PRELID2: variants seen among roughly 807,000 people sequenced by gnomAD.
The protein encoded by PRELID2 is PRELI domain containing 2, also known as PRELI domain-containing protein 2.
A neutral mutation model predicts 28.4 loss-of-function variants in PRELID2; 25 were observed. That is an observed-to-expected ratio of 0.88 (90% CI 0.64 to 1.23). The LOEUF (loss-of-function observed/expected upper bound fraction) is 1.23. PRELID2 is among the 50% of genes most tolerant of loss of function. The probability of loss-of-function intolerance (pLI) is 0.00; values close to 1 mark genes in which losing one functional copy is unlikely to be tolerated. For synonymous variants in PRELID2, 76 were observed against 71.6 expected, an observed-to-expected ratio of 1.06 and a Z score of -0.31; for missense variants, 201 against 214.4, an observed-to-expected ratio of 0.94 and a Z score of 0.39.
rs915415490 is a variant in PRELID2, at chr5:145,598,644, T to C, written n.71-125329A>G. On this transcript the variant is annotated intron_variant and non_coding_transcript_variant, in intron 1 of 2. Transcript: ENST00000510259. ...TTGTGGCACAGTAGCATTTCATTTA[T>C]TCAACAGAAATGTAATGAGTACTCT... is the stretch of plus-strand genomic sequence containing the variant. Among the ~76,000 whole-genome samples, 3 of 152,184 alleles carry C rather than the reference T, an allele frequency of 2.0e-5. No individual in the cohort carries two copies. In the South Asian group the frequency reaches 6.2e-4, roughly 32 times the overall value.
intron 1 of PRELID2, among the ~76,000 whole-genome samples, chr5:145,585,119 G>A (rs555264692): frequency 2.0e-4 from 31 of 152,246 alleles, no homozygotes; most frequent in African/African-American, 7.0e-4. Context: ...AAAGGAATGT[G>A]ATCAAGTCCT....
the PRELID2 span, among the ~76,000 whole-genome samples, chr5:145,249,966 C>A: frequency 2.1e-5 from 3 of 145,654 alleles, no homozygotes; most frequent in South Asian, 6.5e-4. Context: ...TCTCTCTCTC[C>A]TTTTGATGCA....
chr5:145,615,517 G>A (rs1397783614), intron 1 of PRELID2, among the ~76,000 whole-genome samples: 1 of 128,418 alleles, frequency 7.8e-6, no homozygotes, highest in Non-Finnish European at 1.6e-5. Context: ...TAGTAGAGAC[G>A]GGGTTTCACC....
At chr5:145,626,572 G>A (rs576410238) in intron 1 of PRELID2, among the ~76,000 whole-genome samples, 6 of 152,118 alleles carry the variant, frequency 3.9e-5, no homozygotes, top group African/African-American at 1.4e-4. Context: ...CACTCTTGGT[G>A]GGAATGTCAG....
At chr5:145,300,472 C>T in the PRELID2 span, among the ~76,000 whole-genome samples, 1 of 151,888 alleles carries the variant, frequency 6.6e-6, no homozygotes, top group Non-Finnish European at 1.5e-5. Context: ...ACTACAAATT[C>T]AAATTTTAAA....
the PRELID2 span, among the ~76,000 whole-genome samples, chr5:145,394,192 C>A: frequency 1.3e-5 from 2 of 152,024 alleles, no homozygotes; most frequent in Non-Finnish European, 2.9e-5. Context: ...AAACGTCCAA[C>A]AATGATAGAC....
At chr5:145,673,050 G>C (rs1405702037) in intron 1 of PRELID2, among the ~76,000 whole-genome samples, 1 of 152,150 alleles carries the variant, frequency 6.6e-6, no homozygotes. Flanking sequence ...TAGAGTGCCA[G>C]AAAAGCTCAC....
rs772225129 is a variant in PRELID2 at position 145,610,422 on chromosome 5, A to G, written n.71-137107T>C. Among the ~76,000 whole-genome samples the G allele has an allele frequency of 8.8e-4, 134 of 152,186 alleles. 1 individual carries two copies. Among genetic ancestry groups the G allele is most frequent in the Non-Finnish European group, 1.7e-3 (116 of 68,026 alleles). Reference sequence around the variant, plus strand: ...TCCACCATCTTGACCCATCCCCTGGAACTATCTTCAGGTTAAGAGAAAAGA... The same window carrying G: ...TCCACCATCTTGACCCATCCCCTGGGACTATCTTCAGGTTAAGAGAAAAGA... On this transcript the variant is annotated intron_variant and non_coding_transcript_variant, in intron 1 of 2. Coordinates refer to the PRELID2 transcript ENST00000510259.
intron 1 of PRELID2, among the ~76,000 whole-genome samples, chr5:145,701,920 A>G (rs1301629208): frequency 2.0e-5 from 3 of 151,982 alleles, no homozygotes; most frequent in Admixed American, 6.6e-5. Context: ...GCGTGGTGGC[A>G]CATGCCTGTA....
At chr5:145,585,806 T>A (rs1031815892) in intron 1 of PRELID2, among the ~76,000 whole-genome samples, 1 of 152,016 alleles carries the variant, frequency 6.6e-6, no homozygotes, top group African/African-American at 2.4e-5. Context: ...TGGGACAGAA[T>A]GGGGTGGGGT....
intron 1 of PRELID2, among the ~76,000 whole-genome samples, chr5:145,674,110 G>T (rs75207660): frequency 0.049 from 7,466 of 152,234 alleles, 623 homozygotes; most frequent in African/African-American, 0.17. Context: ...TCCTAGCCCT[G>T]CTTGGTATTA....
intron 1 of PRELID2, among the ~76,000 whole-genome samples, chr5:145,552,834 A>G (rs66558288): frequency 0.29 from 44,271 of 152,074 alleles, 8,656 homozygotes; most frequent in African/African-American, 0.57. Flanking sequence ...CTAGGTATTC[A>G]CAATTAAAGT....
chr5:145,466,911 T>C (rs1280990741), downstream of PRELID2, among the ~76,000 whole-genome samples: 1 of 152,026 alleles, frequency 6.6e-6, no homozygotes, highest in Non-Finnish European at 1.5e-5. Flanking sequence ...AATTCACCTG[T>C]CCATAAAAAT....
At chr5:145,392,283 C>T in the PRELID2 span, among the ~76,000 whole-genome samples, 20 of 135,058 alleles carry the variant, frequency 1.5e-4, no homozygotes. Context: ...GAAAGGGAAG[C>T]AAACATGTCT....
the PRELID2 span, among the ~76,000 whole-genome samples, chr5:145,371,547 A>T: frequency 2.0e-5 from 3 of 152,208 alleles, no homozygotes; most frequent in East Asian, 5.8e-4. Flanking sequence ...ACCAATGTTC[A>T]TCAGGAATAT....
intron 4 of PRELID2, among the ~76,000 whole-genome samples, chr5:145,799,113 A>G (rs1417281270): frequency 1.3e-5 from 2 of 151,280 alleles, no homozygotes; most frequent in Non-Finnish European, 2.9e-5. Flanking sequence ...TCTTGAAAGC[A>G]GTAAGAGAAA....
At chr5:145,435,134 G>A in the PRELID2 span, among the ~76,000 whole-genome samples, 4 of 152,182 alleles carry the variant, frequency 2.6e-5, no homozygotes, top group African/African-American at 7.2e-5. Context: ...ATCCTGGAAC[G>A]TATGCCCTTG....
chr5:145,802,786 C>T (rs1035550563), intron 4 of PRELID2, among the ~76,000 whole-genome samples: 2 of 152,158 alleles, frequency 1.3e-5, no homozygotes, highest in South Asian at 2.1e-4. Context: ...AATCCCAGAA[C>T]ACCTTTGTGA....
chr5:145,671,980 A>G (rs1440186112), intron 1 of PRELID2, among the ~76,000 whole-genome samples: 1 of 152,182 alleles, frequency 6.6e-6, no homozygotes, highest in Non-Finnish European at 1.5e-5. Context: ...AAATTGCCCA[A>G]GTGCTTTACT....
Sources: gnomAD v4.1 joint callset for allele counts (sites outside exome capture counted in the v4.1 genomes callset) on GRCh38, gnomAD v4.1.1 for gene constraint, MANE v1.5 for transcripts, NCBI Gene and HGNC (gene_info 2026-07-23, HGNC 2026-07-21) for gene names.